Variants in PRDM5 observed in about 807,000 individuals in gnomAD.
PRDM5 encodes the protein PR domain zinc finger protein 5.
Under a neutral mutation model 81.2 loss-of-function variants are expected in PRDM5, and 56 were observed. The ratio of observed to expected loss-of-function variants is 0.69; its 90% CI spans 0.56 to 0.86. The LOEUF is 0.86. Ranked by LOEUF, PRDM5 falls within the 40% of genes least tolerant of loss-of-function variation. The probability of loss-of-function intolerance (pLI) is 0.00; values close to 1 mark genes in which losing one functional copy is unlikely to be tolerated. For missense variants in PRDM5, 697 were observed against 770.1 expected (o/e 0.91, Z 1.12); for synonymous variants, 267 against 256.4 (o/e 1.04, Z -0.39).
At chr4:120,889,346 T>C (rs1044640090) in intron 2 of PRDM5, among the ~76,000 whole-genome samples, 4 of 152,198 alleles carry the variant, frequency 2.6e-5, no homozygotes, top group South Asian at 2.1e-4. Flanking sequence ...ATATCATTAA[T>C]GTTATTTTTG....
intron 14 of PRDM5, among the ~76,000 whole-genome samples, chr4:120,749,958 C>G (rs1162731548): frequency 6.6e-6 from 1 of 152,184 alleles, no homozygotes; most frequent in African/African-American, 2.4e-5. Context: ...GGCCAGGAAA[C>G]CATCCACCCT....
chr4:120,818,204 A>G (rs750322742), intron 5 of PRDM5, 149 bp downstream of exon 5: 7 of 740,564 alleles, frequency 9.5e-6, no homozygotes, highest in East Asian at 2.7e-5. Context: ...GACAATACCA[A>G]TGTAAAATGC....
At chr4:120,770,988 TACAA>T (rs1170962711) in intron 13 of PRDM5, among the ~76,000 whole-genome samples, 1 of 152,152 alleles carries the variant, frequency 6.6e-6, no homozygotes, top group Non-Finnish European at 1.5e-5. Context: ...GCTTTATTCT[TACAA>T]AAATATATCC....
intron 2 of PRDM5, among the ~76,000 whole-genome samples, chr4:120,903,165 G>T (rs559916187): frequency 6.6e-5 from 10 of 152,124 alleles, no homozygotes; most frequent in South Asian, 2.1e-4. Context: ...CTATTTTTTT[G>T]AGAAGGACTA....
At chr4:120,806,822 T>C (rs960542955) in intron 8 of PRDM5, among the ~76,000 whole-genome samples, 11 of 152,064 alleles carry the variant, frequency 7.2e-5, no homozygotes, top group African/African-American at 2.7e-4. Context: ...CCAAAAGCAA[T>C]GGCAACAAAA....
intron 14 of PRDM5, among the ~76,000 whole-genome samples, chr4:120,732,425 C>A (rs1320473195): frequency 7.1e-6 from 1 of 141,544 alleles, no homozygotes; most frequent in Non-Finnish European, 1.6e-5. Flanking sequence ...GATCCACTTA[C>A]AAGATCTCCA....
rs752937452 is a variant in PRDM5, at chr4:120,692,833, A to C, written c.*2278T>G. On this transcript the variant is annotated 3_prime_UTR_variant, in exon 16 of 16. Transcript: ENST00000264808. ...TTTCCTTATGATTATCTATGCTTTC[A>C]ATTGATCAATCATGCCTAAAATAGT... is the stretch of plus-strand genomic sequence containing the variant. The C allele has an allele frequency of 6.6e-6, 1 of 152,092 alleles. No homozygotes were observed. The highest frequency in any genetic ancestry group is 2.4e-5 in the African/African-American group (1 of 41,422). The allele number at this position is 152,092 out of a possible 1,614,324, so 9.4% of individuals were successfully genotyped here.
chr4:120,817,544 C>T (rs1437758330), intron 5 of PRDM5, among the ~76,000 whole-genome samples: 2 of 151,814 alleles, frequency 1.3e-5, no homozygotes, highest in African/African-American at 2.4e-5. Context: ...TGAGATGGGA[C>T]AATTTACATT....
chr4:120,896,830 C>T (rs182710161), intron 2 of PRDM5, among the ~76,000 whole-genome samples: 4 of 151,990 alleles, frequency 2.6e-5, no homozygotes, highest in Admixed American at 2.6e-4. Context: ...ACTACAGGCA[C>T]CCGCCACCAC....
At chr4:120,790,017 GA>G (rs1317266359) in intron 10 of PRDM5, among the ~76,000 whole-genome samples, 1 of 152,066 alleles carries the variant, frequency 6.6e-6, no homozygotes, top group Non-Finnish European at 1.5e-5. Context: ...GCTAAGAGAA[GA>G]AATAACCACA....
intron 13 of PRDM5, among the ~76,000 whole-genome samples, chr4:120,756,827 T>C (rs372667970): frequency 6.6e-6 from 1 of 152,168 alleles, no homozygotes; most frequent in East Asian, 1.9e-4. Flanking sequence ...ATGAAATCCA[T>C]CAACATATCA....
At chr4:120,792,381 AG>A (rs1174961921) in intron 10 of PRDM5, among the ~76,000 whole-genome samples, 7 of 152,204 alleles carry the variant, frequency 4.6e-5, no homozygotes, top group Non-Finnish European at 1.0e-4. Flanking sequence ...ACTGACTACC[AG>A]ACATGCATGT....
intron 13 of PRDM5, among the ~76,000 whole-genome samples, chr4:120,772,486 A>G (rs1380100919): frequency 6.6e-6 from 1 of 152,230 alleles, no homozygotes. Flanking sequence ...TTTTGCAGCA[A>G]AGGCAATGCC....
At position 120,865,703 on chromosome 4, in the gene PRDM5, G is replaced by A. The variant is rs140351150; in HGVS notation, c.178-12163C>T. ...GTCCACAGTTCCACTCCTCTGAGAT[G>A]GGTAACCTGAATGGTGAATTATAGT... On this transcript the variant is annotated intron_variant, in intron 2 of 15. Transcript: ENST00000264808. Among the ~76,000 whole-genome samples the A allele has an allele frequency of 1.3e-3, 201 of 152,296 alleles. 3 individuals are homozygous for A. Among genetic ancestry groups the A allele is most frequent in the African/African-American group, 4.7e-3 (195 of 41,566 alleles).
In PRDM5 at chr4:120,691,958, A is replaced by T. The variant is rs1734077606; in HGVS notation, c.*3153T>A. On this transcript the variant is annotated 3_prime_UTR_variant, in exon 16 of 16. Transcript: ENST00000264808. The stretch of plus-strand genomic sequence containing the variant: ...ATTTATTATAGATTTATAATAAAAT[A>T]AAAAATGCTATTGGAATTCTATATT... 1 of 151,950 alleles carries T rather than the reference A, an allele frequency of 6.6e-6. No homozygotes were observed. The highest frequency in any genetic ancestry group is 6.6e-5 in the Admixed American group (1 of 15,238). 9.4% of individuals were successfully genotyped at this position (151,950 alleles called of 1,614,324 possible).
At chr4:120,749,698 G>C (rs1360246747) in intron 14 of PRDM5, among the ~76,000 whole-genome samples, 1 of 152,166 alleles carries the variant, frequency 6.6e-6, no homozygotes, top group Non-Finnish European at 1.5e-5. Flanking sequence ...AGCTGCTGGG[G>C]GTGGAACATG....
At chr4:120,868,237 T>TA (rs1341626318) in intron 2 of PRDM5, among the ~76,000 whole-genome samples, 1 of 152,278 alleles carries the variant, frequency 6.6e-6, no homozygotes, top group East Asian at 1.9e-4. Flanking sequence ...TAGCTGATTT[T>TA]AAAAAAACTT....
intron 15 of PRDM5, among the ~76,000 whole-genome samples, chr4:120,709,430 G>T (rs1299387839): frequency 6.6e-6 from 1 of 152,180 alleles, no homozygotes; most frequent in African/African-American, 2.4e-5. Flanking sequence ...CCCACTGGGA[G>T]TACATTGTTG....
intron 15 of PRDM5, among the ~76,000 whole-genome samples, chr4:120,708,127 C>T (rs1476172973): frequency 6.6e-6 from 1 of 151,962 alleles, no homozygotes; most frequent in African/African-American, 2.4e-5. Context: ...TTACCATATG[C>T]CTCAGCAATT....
Sources: gnomAD v4.1 joint callset for allele counts (sites outside exome capture counted in the v4.1 genomes callset) on GRCh38, gnomAD v4.1.1 for gene constraint, MANE v1.5 for transcripts, NCBI Gene and HGNC (gene_info 2026-07-23, HGNC 2026-07-21) for gene names.